SLC4A7: variants seen among roughly 807,000 people sequenced by gnomAD.
The protein encoded by SLC4A7 is sodium bicarbonate cotransporter 3.
Under a neutral mutation model 137.6 loss-of-function variants are expected in SLC4A7, and 51 were observed. That is an observed-to-expected ratio of 0.37 (90% CI 0.30 to 0.47). The LOEUF is 0.47. SLC4A7 is among the 20% of genes least tolerant of loss of function. SLC4A7 has a pLI of 1.00. For missense variants in SLC4A7, 1,247 were observed against 1,525.4 expected (o/e 0.82, Z 3.04); for synonymous variants, 542 against 518.6 (o/e 1.05, Z -0.61).
Position 27,379,290 on chromosome 3 carries a change from G to A in SLC4A7, c.3657C>T (p.Ser1219=). The A allele has an allele frequency of 1.3e-6, 2 of 1,535,470 alleles. No homozygotes were observed. The highest frequency in any genetic ancestry group is 1.7e-6 in the Non-Finnish European group (2 of 1,146,266). Reference sequence around the variant, plus strand: ...TTACTTTGGCATTCTCAGTATTCATGGAAAGTGCCTTCCACTGTGCAGTTT... The same window carrying A: ...TTACTTTGGCATTCTCAGTATTCATAGAAAGTGCCTTCCACTGTGCAGTTT... ...MAKTAQWKAL[S]MNTENAKVTR... is the part of the protein sequence containing the mutation. Residue 1219 remains serine, a synonymous_variant, in exon 25 of 26, where the codon TCC becomes TCT. Coordinates refer to ENST00000454389, the MANE Select transcript of SLC4A7 (RefSeq NM_001321103.2).
At chr3:27,385,594 T>C (rs1274290625) in intron 23 of SLC4A7, among the ~76,000 whole-genome samples, 1 of 152,178 alleles carries the variant, frequency 6.6e-6, no homozygotes, top group Non-Finnish European at 1.5e-5. Flanking sequence ...ATTCTTCTAA[T>C]TGCTGATTTA....
At chr3:27,442,109 G>T (rs2057246838) in intron 3 of SLC4A7, among the ~76,000 whole-genome samples, 2 of 151,734 alleles carry the variant, frequency 1.3e-5, no homozygotes, top group South Asian at 4.2e-4. Context: ...CTCCTGACCA[G>T]GTGACAAGGC....
intron 6 of SLC4A7, among the ~76,000 whole-genome samples, chr3:27,433,007 G>A (rs1242767851): frequency 6.6e-6 from 1 of 152,080 alleles, no homozygotes; most frequent in Admixed American, 6.6e-5. Context: ...GGATTAAAAA[G>A]GGTTTTCATG....
At chr3:27,395,945 AG>A (rs2150113162) in intron 18 of SLC4A7, among the ~76,000 whole-genome samples, 1 of 152,308 alleles carries the variant, frequency 6.6e-6, no homozygotes, top group African/African-American at 2.4e-5. Flanking sequence ...GTATTTCCAA[AG>A]GAACTACTAA....
intron 12 of SLC4A7, among the ~76,000 whole-genome samples, chr3:27,409,894 T>C (rs923761055): frequency 2.6e-5 from 4 of 152,212 alleles, no homozygotes; most frequent in East Asian, 1.9e-4. Context: ...ATTCTATTAA[T>C]TGTCTATATT....
intron 3 of SLC4A7, among the ~76,000 whole-genome samples, chr3:27,444,835 A>G (rs1271196637): frequency 1.3e-5 from 2 of 152,100 alleles, no homozygotes; most frequent in African/African-American, 4.8e-5. Context: ...GCTTCTTTAT[A>G]TCCCTGATAA....
At chr3:27,452,326 C>G (rs1260493606) in intron 2 of SLC4A7, 91 bp downstream of exon 2, 5 of 818,392 alleles carry the variant, frequency 6.1e-6, no homozygotes, top group Non-Finnish European at 9.5e-6. Context: ...AAAAACTCAA[C>G]AAATACTAGG....
chr3:27,434,833 A>T (rs561086433), intron 5 of SLC4A7, among the ~76,000 whole-genome samples: 6 of 151,860 alleles, frequency 4.0e-5, no homozygotes, highest in Non-Finnish European at 8.8e-5. Flanking sequence ...TGGTTACTCT[A>T]AAAAAAACCC....
chr3:27,402,266 C>A (rs2052830926), intron 15 of SLC4A7, among the ~76,000 whole-genome samples: 1 of 152,166 alleles, frequency 6.6e-6, no homozygotes, highest in Non-Finnish European at 1.5e-5. Flanking sequence ...ATTGAATATA[C>A]TTGCCAAACT....
At chr3:27,458,865 CTGTAA>C (rs2058548588) in intron 1 of SLC4A7, among the ~76,000 whole-genome samples, 1 of 152,164 alleles carries the variant, frequency 6.6e-6, no homozygotes, top group African/African-American at 2.4e-5. Context: ...TGGTGCCCAC[CTGTAA>C]CCCCAGCTAC....
At chr3:27,431,180 C>A in intron 7 of SLC4A7, 118 bp downstream of exon 7, 1 of 1,082,302 alleles carries the variant, frequency 9.2e-7, no homozygotes, top group Non-Finnish European at 1.3e-6. Flanking sequence ...ATGCAGAAGT[C>A]AAAATAAATT....
chr3:27,484,030 C>A, intron 1 of SLC4A7, 37 bp downstream of exon 1: 1 of 1,369,602 alleles, frequency 7.3e-7, no homozygotes, highest in Non-Finnish European at 9.5e-7. Flanking sequence ...CCGCGCCCTC[C>A]CCCTGCGGAG....
intron 1 of SLC4A7, among the ~76,000 whole-genome samples, chr3:27,468,882 C>T (rs1175432728): frequency 1.3e-5 from 2 of 151,964 alleles, no homozygotes; most frequent in African/African-American, 2.4e-5. Flanking sequence ...CCGGGGTGGG[C>T]GGATCACTTG....
At chr3:27,411,448 ATACT>A (rs1559695816) in intron 12 of SLC4A7, among the ~76,000 whole-genome samples, 190 bp downstream of exon 12, 1 of 151,624 alleles carries the variant, frequency 6.6e-6, no homozygotes, top group Non-Finnish European at 1.5e-5. Context: ...AGCTTGATAC[ATACT>A]ATTAAAATTA....
At chr3:27,401,438 A>G (rs1314608592) in intron 15 of SLC4A7, among the ~76,000 whole-genome samples, 1 of 152,240 alleles carries the variant, frequency 6.6e-6, no homozygotes, top group Non-Finnish European at 1.5e-5. Flanking sequence ...AACTACCTAA[A>G]GCTAGAACAC....
intron 1 of SLC4A7, among the ~76,000 whole-genome samples, chr3:27,479,335 G>C (rs1259186623): frequency 6.6e-6 from 1 of 151,948 alleles, no homozygotes; most frequent in Non-Finnish European, 1.5e-5. Flanking sequence ...GATCACGTGA[G>C]CCCAGGAAGT....
At chr3:27,417,460 A>G (rs1441159426) in intron 11 of SLC4A7, among the ~76,000 whole-genome samples, 1 of 152,152 alleles carries the variant, frequency 6.6e-6, no homozygotes, top group Non-Finnish European at 1.5e-5. Context: ...GCAAATTAAA[A>G]CCTCATTAAA....
At chr3:27,471,107 TAAAAA>T (rs1358675545) in intron 1 of SLC4A7, among the ~76,000 whole-genome samples, 4 of 152,172 alleles carry the variant, frequency 2.6e-5, no homozygotes, top group Non-Finnish European at 5.9e-5. Context: ...ATGTATAAAA[TAAAAA>T]GTTTCACAAA....
At chr3:27,397,044 T>C (rs1482265542) in intron 18 of SLC4A7, among the ~76,000 whole-genome samples, 4 of 152,206 alleles carry the variant, frequency 2.6e-5, no homozygotes, top group African/African-American at 9.6e-5. Context: ...CTTTTTTTTT[T>C]TGAGATGGAG....
Sources: gnomAD v4.1 joint callset for allele counts (sites outside exome capture counted in the v4.1 genomes callset) on GRCh38, gnomAD v4.1.1 for gene constraint, MANE v1.5 for transcripts, NCBI Gene and HGNC (gene_info 2026-07-23, HGNC 2026-07-21) for gene names.